MYO3B: variants seen among roughly 807,000 people sequenced by gnomAD.
The protein encoded by MYO3B is myosin-IIIb.
In MYO3B, 156 loss-of-function variants were observed where a neutral mutation model predicts 174.6. That is an observed-to-expected ratio of 0.89 (90% CI 0.78 to 1.02). The LOEUF (loss-of-function observed/expected upper bound fraction) is 1.02, where lower values mean the gene tolerates loss of function less well. Ranked by LOEUF, MYO3B falls within the 50% of genes least tolerant of loss-of-function variation. The pLI, the probability that MYO3B is intolerant of heterozygous loss-of-function variation, is 0.00. For missense variants in MYO3B, 1,632 were observed against 1,639.4 expected (o/e 1.00, Z 0.08); for synonymous variants, 563 against 569.1 (o/e 0.99, Z 0.15).
chr2:170,235,247 C>T (rs932819180), intron 6 of MYO3B, among the ~76,000 whole-genome samples: 1 of 152,216 alleles, frequency 6.6e-6, no homozygotes, highest in African/African-American at 2.4e-5. Context: ...CTGACTTCTC[C>T]TATCGCCATT....
At chr2:170,253,865 G>T (rs956888128) in intron 7 of MYO3B, among the ~76,000 whole-genome samples, 4 of 147,612 alleles carry the variant, frequency 2.7e-5, no homozygotes, top group African/African-American at 1.0e-4. Context: ...AACTGGTGAT[G>T]CTGTGAAGAG....
At chr2:170,440,165 T>C (rs2094788853) in intron 22 of MYO3B, among the ~76,000 whole-genome samples, 1 of 152,230 alleles carries the variant, frequency 6.6e-6, no homozygotes, top group South Asian at 2.1e-4. Flanking sequence ...CATTTGATCA[T>C]GCATCTGTTG....
At chr2:170,242,480 G>A (rs2093145075) in intron 7 of MYO3B, among the ~76,000 whole-genome samples, 1 of 152,172 alleles carries the variant, frequency 6.6e-6, no homozygotes, top group South Asian at 2.1e-4. Flanking sequence ...CTTTCACTCT[G>A]TGGAACACAT....
chr2:170,549,301 CA>C (rs1690732688), intron 32 of MYO3B, among the ~76,000 whole-genome samples: 1 of 152,026 alleles, frequency 6.6e-6, no homozygotes, highest in Non-Finnish European at 1.5e-5. Flanking sequence ...TTTTGAAGGT[CA>C]AAAGTAGCAA....
chr2:170,514,786 T>A, intron 28 of MYO3B, 135 bp from the exon 29 acceptor site: 2 of 638,610 alleles, frequency 3.1e-6, no homozygotes, highest in East Asian at 2.8e-5. Context: ...AGTTCATAAG[T>A]GAGATTAGTC....
At position 170,178,172 on chromosome 2, in the gene MYO3B, G is replaced by A. The variant is rs1290039008; in HGVS notation, c.-116G>A. The A allele has an allele frequency of 8.8e-6, 11 of 1,250,092 alleles. No homozygotes were observed. In the South Asian group the frequency reaches 9.6e-5, roughly 11 times the overall value. 77.4% of individuals were successfully genotyped at this position (1,250,092 alleles called of 1,614,324 possible). The stretch of plus-strand genomic sequence containing the variant: ...AGATCGAAAGTCCTTTGGTAATGAT[G>A]TGTCATACATTCTAGTCATCAAAGA... On this transcript the variant is annotated 5_prime_UTR_variant, in exon 1 of 35. In the 5' UTR this introduces an upstream ATG that the reference lacks. Transcript: ENST00000408978.
intron 7 of MYO3B, chr2:170,334,399 G>C (rs2093933093): frequency 6.6e-6 from 1 of 152,154 alleles, no homozygotes; most frequent in Non-Finnish European, 1.5e-5. Flanking sequence ...ATTTATTTCT[G>C]GTAATTCTTG....
intron 32 of MYO3B, among the ~76,000 whole-genome samples, chr2:170,642,647 G>T (rs1698067731): frequency 6.6e-6 from 1 of 152,090 alleles, no homozygotes; most frequent in Non-Finnish European, 1.5e-5. Flanking sequence ...CTAGGCCCTG[G>T]GATTTTGAAT....
intron 32 of MYO3B, among the ~76,000 whole-genome samples, chr2:170,614,628 G>A (rs1340329147): frequency 6.6e-6 from 1 of 152,162 alleles, no homozygotes. Flanking sequence ...TTCTGATTCA[G>A]TAGGTCTGGA....
intron 8 of MYO3B, among the ~76,000 whole-genome samples, chr2:170,358,137 A>G (rs1001539872): frequency 6.6e-6 from 1 of 150,622 alleles, no homozygotes; most frequent in Non-Finnish European, 1.5e-5. Context: ...GGGCAACGAG[A>G]GTGAAACTCC....
intron 28 of MYO3B, among the ~76,000 whole-genome samples, chr2:170,513,307 C>T (rs1688095568): frequency 6.6e-6 from 1 of 152,198 alleles, no homozygotes; most frequent in African/African-American, 2.4e-5. Flanking sequence ...ATCAAGGTGT[C>T]AGCAACATTG....
At chr2:170,269,824 G>A (rs1005852974) in intron 7 of MYO3B, among the ~76,000 whole-genome samples, 1 of 152,220 alleles carries the variant, frequency 6.6e-6, no homozygotes, top group Admixed American at 6.5e-5. Context: ...TCAAACTTTA[G>A]TGTGCATCAG....
At chr2:170,421,795 T>C (rs774747144) in intron 22 of MYO3B, among the ~76,000 whole-genome samples, 22 of 152,244 alleles carry the variant, frequency 1.4e-4, no homozygotes, top group Non-Finnish European at 1.2e-4. Flanking sequence ...GATGTGGCTG[T>C]GGGGTGAAAA....
chr2:170,180,572 T>G (rs961416275), intron 1 of MYO3B, among the ~76,000 whole-genome samples: 2 of 152,164 alleles, frequency 1.3e-5, no homozygotes, highest in African/African-American at 4.8e-5. Context: ...TCTGTAGAGA[T>G]CTCTTATATG....
intron 30 of MYO3B, among the ~76,000 whole-genome samples, chr2:170,527,094 G>T (rs1428968338): frequency 6.6e-6 from 1 of 152,108 alleles, no homozygotes; most frequent in Non-Finnish European, 1.5e-5. Flanking sequence ...CATCCTTCAA[G>T]GTCTCATTCG....
chr2:170,261,595 A>G (rs538307903), intron 7 of MYO3B, among the ~76,000 whole-genome samples: 1 of 152,336 alleles, frequency 6.6e-6, no homozygotes, highest in East Asian at 1.9e-4. Context: ...GCCAGTACAC[A>G]TGCATAATCC....
chr2:170,589,715 G>A (rs1454473233), intron 32 of MYO3B, among the ~76,000 whole-genome samples: 1 of 152,166 alleles, frequency 6.6e-6, no homozygotes, highest in African/African-American at 2.4e-5. Flanking sequence ...AAAAGTTACA[G>A]TAAGCTAAGG....
chr2:170,320,701 A>T (rs2093819676), intron 7 of MYO3B, among the ~76,000 whole-genome samples: 2 of 152,082 alleles, frequency 1.3e-5, no homozygotes, highest in South Asian at 4.1e-4. Flanking sequence ...ATATGTGCTT[A>T]TACCTGCTAT....
intron 23 of MYO3B, among the ~76,000 whole-genome samples, chr2:170,450,373 G>A (rs1329767917): frequency 1.3e-5 from 2 of 152,108 alleles, no homozygotes; most frequent in Non-Finnish European, 2.9e-5. Flanking sequence ...CATATCAAAG[G>A]TTTACAACAC....
Sources: allele counts gnomAD v4.1 joint callset (sites outside exome capture counted in the v4.1 genomes callset), GRCh38; gene constraint gnomAD v4.1.1; transcripts MANE v1.5; gene names NCBI Gene and HGNC (gene_info 2026-07-23, HGNC 2026-07-21).